STK38: variants seen among roughly 807,000 people sequenced by gnomAD.
STK38 encodes the protein serine/threonine kinase 38.
STK38 carries 26 observed loss-of-function variants against 59.0 expected under a neutral mutation model. The ratio of observed to expected loss-of-function variants is 0.44; its 90% CI spans 0.32 to 0.61. STK38 has a LOEUF of 0.61. STK38 is among the 20% of genes least tolerant of loss of function. The pLI is 0.04. For missense variants in STK38, 433 were observed against 566.0 expected, an observed-to-expected ratio of 0.76 and a Z score of 2.38; for synonymous variants, 175 against 176.6, an observed-to-expected ratio of 0.99 and a Z score of 0.07.
At chr6:36,524,576 G>A (rs1777465657) in intron 3 of STK38, 113 bp from the exon 4 acceptor site, 1 of 1,108,768 alleles carries the variant, frequency 9.0e-7, no homozygotes, top group African/African-American at 1.6e-5. Flanking sequence ...GTGGACTAAG[G>A]ATAATCTTTT....
intron 2 of STK38, among the ~76,000 whole-genome samples, chr6:36,528,892 C>T (rs1777601318): frequency 1.3e-5 from 2 of 152,182 alleles, no homozygotes; most frequent in Non-Finnish European, 1.5e-5. Flanking sequence ...AACCTAAATA[C>T]AAACTAAGAG....
intron 4 of STK38, among the ~76,000 whole-genome samples, chr6:36,524,002 C>G (rs1416317579): frequency 2.0e-5 from 3 of 152,146 alleles, no homozygotes; most frequent in Non-Finnish European, 4.4e-5. Context: ...CCTTTAGAGT[C>G]TTAATTTCAC....
intron 4 of STK38, among the ~76,000 whole-genome samples, chr6:36,522,876 A>AAAAAAAAAAAAG (rs774099487): frequency 4.8e-4 from 47 of 98,834 alleles, no homozygotes; most frequent in East Asian, 6.6e-4. Flanking sequence ...AAAAAAAAAA[A>AAAAAAAAAAAAG]AAGAAGAAGA....
chr6:36,545,683 T>C (rs1472067657), intron 1 of STK38, among the ~76,000 whole-genome samples: 1 of 152,238 alleles, frequency 6.6e-6, no homozygotes, highest in Non-Finnish European at 1.5e-5. Flanking sequence ...AAGACAGGAC[T>C]ATCCATCAGG....
chr6:36,513,108 C>G (rs905472838), intron 7 of STK38, among the ~76,000 whole-genome samples: 3 of 152,102 alleles, frequency 2.0e-5, no homozygotes, highest in Admixed American at 6.5e-5. Flanking sequence ...CAACCTCCGC[C>G]TCCTGGGTTC....
At chr6:36,515,255 A>G in intron 7 of STK38, 83 bp downstream of exon 7, 1 of 1,489,642 alleles carries the variant, frequency 6.7e-7, no homozygotes, top group South Asian at 1.4e-5. Context: ...GCCCACTGGG[A>G]TGACCACAGG....
At chr6:36,523,117 T>C (rs528342543) in intron 4 of STK38, among the ~76,000 whole-genome samples, 6 of 152,160 alleles carry the variant, frequency 3.9e-5, no homozygotes, top group South Asian at 4.1e-4. Flanking sequence ...ACCACAACCC[T>C]TCCTTGCCAA....
intron 2 of STK38, among the ~76,000 whole-genome samples, chr6:36,527,630 C>A (rs1316502402): frequency 6.6e-6 from 1 of 151,930 alleles, no homozygotes; most frequent in Non-Finnish European, 1.5e-5. Context: ...TGTTTTTGAT[C>A]TATAGTCTCA....
chr6:36,530,521 C>A (rs1219570232), intron 2 of STK38, among the ~76,000 whole-genome samples: 1 of 150,002 alleles, frequency 6.7e-6, no homozygotes, highest in Non-Finnish European at 1.5e-5. Context: ...CCCACCACCA[C>A]GCCCAGCTAA....
In STK38 at chr6:36,494,857, CA is replaced by C. The variant is rs1776661423; in HGVS notation, c.*926del. On this transcript the variant is annotated 3_prime_UTR_variant, in exon 14 of 14. Coordinates refer to ENST00000229812, the MANE Select transcript of STK38 (RefSeq NM_007271.4). ...GCAGGAACAGGAACAGCACCTTAGC[CA>C]AGAGGGTTCCAGGCCTCCTGCCTAG... The C allele has an allele frequency of 6.6e-6, 1 of 152,390 alleles. No individual in the cohort carries two copies. Among genetic ancestry groups the C allele is most frequent in the South Asian group, 2.1e-4 (1 of 4,822 alleles). The allele number at this position is 152,390 out of a possible 1,614,324, so 9.4% of individuals were successfully genotyped here.
chr6:36,494,363 C>T lies in STK38; in HGVS notation c.*1421G>A, dbSNP rs1242778522. 6.5e-6 allele frequency: 1 copy of T among 152,704 alleles called. No homozygotes were observed. The highest frequency in any genetic ancestry group is 2.4e-5 in the African/African-American group (1 of 41,470). The allele number at this position is 152,704 out of a possible 1,614,324, so 9.5% of individuals were successfully genotyped here. ...AGAAAGCAGGCTCCCAGCTGCAGCT[C>T]GGCCACAATACTTTGCAACAGGCAA... On this transcript the variant is annotated 3_prime_UTR_variant, in exon 14 of 14. Coordinates refer to ENST00000229812, the MANE Select transcript of STK38 (RefSeq NM_007271.4).
intron 1 of STK38, among the ~76,000 whole-genome samples, chr6:36,544,549 T>C (rs1009425643): frequency 6.6e-6 from 1 of 152,176 alleles, no homozygotes; most frequent in African/African-American, 2.4e-5. Flanking sequence ...AAATTGCATA[T>C]ATGTAGTTAC....
intron 9 of STK38, 135 bp downstream of exon 9, chr6:36,506,448 A>G (rs1776964136): frequency 5.8e-6 from 5 of 864,482 alleles, no homozygotes; most frequent in Non-Finnish European, 9.0e-6. Context: ...CAACCTAACA[A>G]CAGCACTCTC....
chr6:36,539,923 T>G lies in STK38; in HGVS notation c.131+149A>C, dbSNP rs941916053. The G allele has an allele frequency of 5.2e-6, 7 of 1,334,480 alleles. No individual in the cohort carries two copies. The African/African-American group carries it at 7.4e-5, about 14-fold the overall frequency. 82.7% of individuals were successfully genotyped at this position (1,334,480 alleles called of 1,614,324 possible). ...GCATAAGTGGGTTAATGGCAGGGAC[T>G]TTGAAAAGCCCTTTCACTGTCATTC... On this transcript the variant is annotated intron_variant, in intron 2 of 13. Coordinates refer to ENST00000229812, the MANE Select transcript of STK38 (RefSeq NM_007271.4).
intron 11 of STK38, among the ~76,000 whole-genome samples, chr6:36,498,094 C>T (rs1470696457): frequency 6.6e-6 from 1 of 151,958 alleles, no homozygotes; most frequent in African/African-American, 2.4e-5. Context: ...TTCCACCACA[C>T]CCAGCCAATT....
intron 2 of STK38, among the ~76,000 whole-genome samples, chr6:36,538,553 T>C (rs1414422835): frequency 6.6e-6 from 1 of 152,226 alleles, no homozygotes; most frequent in Admixed American, 6.5e-5. Flanking sequence ...TAATGTTATA[T>C]AAGCAGAAAT....
At chr6:36,537,978 C>G (rs1777837445) in intron 2 of STK38, among the ~76,000 whole-genome samples, 1 of 151,976 alleles carries the variant, frequency 6.6e-6, no homozygotes, top group Non-Finnish European at 1.5e-5. Flanking sequence ...ATGTGTTCCA[C>G]TTGTATGAAA....
chr6:36,541,507 T>C (rs1561995049), intron 1 of STK38, among the ~76,000 whole-genome samples: 1 of 152,230 alleles, frequency 6.6e-6, no homozygotes, highest in Non-Finnish European at 1.5e-5. Flanking sequence ...CAATGCAGCA[T>C]TGTAATCACA....
At chr6:36,541,487 C>T (rs1330560910) in intron 1 of STK38, among the ~76,000 whole-genome samples, 1 of 152,068 alleles carries the variant, frequency 6.6e-6, no homozygotes, top group Non-Finnish European at 1.5e-5. Flanking sequence ...AAATTCATCA[C>T]AAGGAGGTGC....
Sources: allele counts gnomAD v4.1 joint callset (sites outside exome capture counted in the v4.1 genomes callset), GRCh38; gene constraint gnomAD v4.1.1; transcripts MANE v1.5; gene names NCBI Gene and HGNC (gene_info 2026-07-23, HGNC 2026-07-21).